The following CASQ2 variants were observed in gnomAD, a reference collection of about 807,000 sequenced individuals.
CASQ2 encodes calsequestrin 2.
In CASQ2, 49 loss-of-function variants were observed where a neutral mutation model predicts 46.5. The observed-to-expected ratio is 1.05, with a 90% CI of 0.84 to 1.34. The LOEUF is 1.34. Among genes scored for constraint, CASQ2 ranks in the 40% most tolerant of loss-of-function variants. CASQ2 has a pLI of 0.00. For synonymous variants in CASQ2, 174 were observed against 168.5 expected (o/e 1.03, Z -0.25); for missense variants, 486 against 481.3 (o/e 1.01, Z -0.09).
intron 8 of CASQ2, among the ~76,000 whole-genome samples, chr1:115,707,473 T>C (rs1654399086): frequency 6.6e-6 from 1 of 152,132 alleles, no homozygotes; most frequent in Admixed American, 6.5e-5. Flanking sequence ...TAGACTTCAT[T>C]TATCTGTCAT....
intron 9 of CASQ2, among the ~76,000 whole-genome samples, chr1:115,703,384 A>C (rs1277699546): frequency 6.6e-6 from 1 of 152,196 alleles, no homozygotes; most frequent in Non-Finnish European, 1.5e-5. Flanking sequence ...ATGATGGGTC[A>C]TAAGTTGCCA....
intron 1 of CASQ2, among the ~76,000 whole-genome samples, chr1:115,747,326 C>T (rs1264321933): frequency 1.3e-5 from 2 of 152,120 alleles, no homozygotes; most frequent in Admixed American, 1.3e-4. Context: ...TGTTCCATTG[C>T]TCTATATGTC....
In CASQ2 at chr1:115,761,439, A is replaced by AAGAAGAAG. The variant is rs796782557; in HGVS notation, c.234+6868_234+6869insCTTCTTCT. ...GAAGAAGAAGAAGAAGAAGAAGAAGAAAGAAGAAGAAGAAGAAGAAGAAGG... is the reference window on the plus strand; with the variant it reads ...GAAGAAGAAGAAGAAGAAGAAGAAGAAGAAGAAGAAGAAGAAGAAGAAGAAGAAGAAGG... On this transcript the variant is annotated intron_variant, in intron 1 of 10. Transcript: ENST00000261448. Among the ~76,000 whole-genome samples, 29 of 5,538 alleles carry AAGAAGAAG rather than the reference A, an allele frequency of 5.2e-3. 7 individuals carry two copies. The highest frequency in any genetic ancestry group is 0.016 in the East Asian group (3 of 182). The allele number at this position is 5,538 out of a possible 152,430, so 3.6% of individuals were successfully genotyped here.
chr1:115,733,523 T>C (rs1647860878), intron 4 of CASQ2, among the ~76,000 whole-genome samples: 1 of 152,244 alleles, frequency 6.6e-6, no homozygotes, highest in Non-Finnish European at 1.5e-5. Context: ...TTCTTTTTTA[T>C]TCTGATGCCT....
intron 7 of CASQ2, among the ~76,000 whole-genome samples, chr1:115,722,553 G>A (rs1647415682): frequency 6.6e-6 from 1 of 152,132 alleles, no homozygotes; most frequent in Admixed American, 6.5e-5. Context: ...GGGAGAAGGG[G>A]TCCATAGTGG....
intron 4 of CASQ2, 90 bp from the exon 5 acceptor site, chr1:115,733,064 C>A: frequency 1.2e-6 from 1 of 854,962 alleles, no homozygotes; most frequent in Non-Finnish European, 1.9e-6. Flanking sequence ...AGTAGAAAGC[C>A]AATTAATCCT....
intron 1 of CASQ2, among the ~76,000 whole-genome samples, chr1:115,753,307 C>T (rs967117083): frequency 2.0e-5 from 3 of 152,102 alleles, no homozygotes; most frequent in African/African-American, 7.2e-5. Context: ...AGAAGCCTAC[C>T]CTGGAGGCAG....
chr1:115,759,601 T>C, intron 1 of CASQ2, among the ~76,000 whole-genome samples: 1 of 152,246 alleles, frequency 6.6e-6, no homozygotes, highest in East Asian at 1.9e-4. Context: ...TATTCTGTTA[T>C]AGCAACACTA....
chr1:115,744,759 C>A, intron 2 of CASQ2, 69 bp downstream of exon 2: 2 of 996,200 alleles, frequency 2.0e-6, no homozygotes, highest in Non-Finnish European at 3.2e-6. Context: ...ATAATTGCAA[C>A]TGTACTTTTC....
At chr1:115,728,354 A>C (rs1365925950) in intron 5 of CASQ2, among the ~76,000 whole-genome samples, 1 of 152,194 alleles carries the variant, frequency 6.6e-6, no homozygotes, top group Non-Finnish European at 1.5e-5. Context: ...GAGATCAAGA[A>C]AACAGGCCAT....
intron 7 of CASQ2, among the ~76,000 whole-genome samples, chr1:115,722,003 G>A (rs900670815): frequency 6.6e-6 from 1 of 152,272 alleles, no homozygotes; most frequent in Middle Eastern, 3.4e-3. Context: ...GGTAGAGGAG[G>A]GGGTATGGAA....
chr1:115,730,894 C>T (rs1477322746), intron 5 of CASQ2, among the ~76,000 whole-genome samples: 5 of 152,190 alleles, frequency 3.3e-5, no homozygotes, highest in Admixed American at 2.0e-4. Context: ...GTCCTTTCAG[C>T]CACTTCACAT....
intron 1 of CASQ2, among the ~76,000 whole-genome samples, chr1:115,751,444 G>A (rs188730837): frequency 4.7e-4 from 71 of 151,866 alleles, no homozygotes; most frequent in African/African-American, 1.6e-3. Context: ...CGAGGCAGGC[G>A]GAACACGAGG....
intron 8 of CASQ2, among the ~76,000 whole-genome samples, chr1:115,706,341 T>A: frequency 6.6e-6 from 1 of 152,100 alleles, no homozygotes; most frequent in South Asian, 2.1e-4. Flanking sequence ...AATGAAAAGA[T>A]CCCAGAATCC....
In CASQ2 at chr1:115,701,411, T is replaced by A. The variant is rs1295335060; in HGVS notation, c.1030A>T (p.Met344Leu). The change falls in exon 11 of 11, where the codon ATG (methionine) becomes TTG (leucine). Residue 344 changes from methionine to leucine, a missense_variant. Met to Leu is a conservative substitution (Grantham distance 15). Transcript: ENST00000261448. ...VNVTDADSVW[M>L]EIPDDDDLPT... ...AGATCGTCATCATCTGGAATCTCCA[T>A]CCAGACACTGTCAGCCTGCAGTGAG... 1.2e-5 allele frequency: 20 copies of A among 1,612,876 alleles called. No homozygotes were observed. The highest frequency in any genetic ancestry group is 1.6e-5 in the Non-Finnish European group (19 of 1,178,938).
At chr1:115,720,721 C>T (rs951410355) in intron 7 of CASQ2, among the ~76,000 whole-genome samples, 4 of 152,276 alleles carry the variant, frequency 2.6e-5, no homozygotes, top group South Asian at 4.1e-4. Flanking sequence ...GCACTTTGTA[C>T]GCCCCCCTGT....
At chr1:115,726,953 G>GCCCCCCCC in intron 6 of CASQ2, 39 bp downstream of exon 6, 1 of 607,798 alleles carries the variant, frequency 1.6e-6, no homozygotes, top group Non-Finnish European at 3.1e-6. Flanking sequence ...CCATTCCCCA[G>GCCCCCCCC]ACCCCAGGCC....
intron 7 of CASQ2, among the ~76,000 whole-genome samples, 194 bp downstream of exon 7, chr1:115,725,314 G>A (rs1292652539): frequency 6.6e-6 from 1 of 151,946 alleles, no homozygotes; most frequent in Admixed American, 6.6e-5. Flanking sequence ...GTGATCCCTG[G>A]CCCCGGCCTC....
rs191041828 is a variant in CASQ2, at chr1:115,708,600, C to T, written c.839-3308G>A. Among the ~76,000 whole-genome samples, 262 of 152,284 alleles carry T rather than the reference C, an allele frequency of 1.7e-3. 1 individual carries two copies. The highest frequency in any genetic ancestry group is 3.2e-3 in the Non-Finnish European group (221 of 68,012). The stretch of plus-strand genomic sequence containing the variant: ...ATGAAAATGATAGCATCTACTTCGT[C>T]GGGTAGTTGTGAGTTAAATGAATCA... On this transcript the variant is annotated intron_variant, in intron 8 of 10. Coordinates refer to ENST00000261448, the MANE Select transcript of CASQ2 (RefSeq NM_001232.4).
Sources: allele counts gnomAD v4.1 joint callset (sites outside exome capture counted in the v4.1 genomes callset), GRCh38; gene constraint gnomAD v4.1.1; transcripts MANE v1.5; gene names NCBI Gene and HGNC (gene_info 2026-07-23, HGNC 2026-07-21).